CDH4: variants seen among roughly 807,000 people sequenced by gnomAD.
CDH4 encodes the protein cadherin 4, also known as cadherin-4.
Under a neutral mutation model 86.0 loss-of-function variants are expected in CDH4, and 33 were observed. The observed-to-expected ratio is 0.38, with a 90% CI of 0.29 to 0.51. The LOEUF is 0.51. CDH4 is among the 20% of genes least tolerant of loss of function. The pLI is 0.86. For synonymous variants in CDH4, 555 were observed against 549.4 expected (o/e 1.01, Z -0.14); for missense variants, 1,114 against 1,307.4 (o/e 0.85, Z 2.28).
At chr20:61,725,334 C>T (rs570844792) in intron 2 of CDH4, among the ~76,000 whole-genome samples, 53 of 152,312 alleles carry the variant, frequency 3.5e-4, no homozygotes, top group African/African-American at 1.2e-3. Context: ...ACAGTACACA[C>T]GCACATGCAT....
intron 2 of CDH4, among the ~76,000 whole-genome samples, chr20:61,617,602 G>A (rs773628092): frequency 7.2e-5 from 11 of 152,230 alleles, no homozygotes; most frequent in South Asian, 4.1e-4. Flanking sequence ...ATCTGGGGGC[G>A]ACAGCGTGGT....
intron 2 of CDH4, chr20:61,718,160 G>A (rs527317981): frequency 1.8e-4 from 28 of 153,326 alleles, no homozygotes; most frequent in African/African-American, 3.4e-4. Context: ...GGACCCACCC[G>A]GAAGACTGAG....
At position 61,404,283 on chromosome 20, in the gene CDH4, T is replaced by A. The variant is rs143798398; in HGVS notation, c.169+149346T>A. On this transcript the variant is annotated intron_variant, in intron 2 of 15. Coordinates refer to ENST00000614565, the MANE Select transcript of CDH4 (RefSeq NM_001794.5). ...CTCTGCTTGTTCCTGATTGTTTTAA[T>A]TTCCAAAAACCATGATGAGGACAGC... Among the ~76,000 whole-genome samples, 5 of 152,164 alleles carry A rather than the reference T, an allele frequency of 3.3e-5. No individual in the cohort carries two copies. The East Asian group carries it at 9.7e-4, about 30-fold the overall frequency.
Position 61,681,750 on chromosome 20 carries a change from C to T in CDH4, c.170-61813C>T, listed in dbSNP as rs760202609. On this transcript the variant is annotated intron_variant, in intron 2 of 15. Transcript: ENST00000614565. This position sits in a 1 kb window ranked among gnomAD's most constrained non-coding sequence, Gnocchi z 4.5. ...GGAGCTGCCACCCTAGAAAGCCCTG[C>T]GTCGGTGTTGCTGTGTTCTCAGGCC... 5.9e-5 allele frequency among the ~76,000 whole-genome samples: 9 copies of T among 152,322 alleles called. No individual in the cohort carries two copies. Among genetic ancestry groups the T allele is most frequent in the East Asian group, 5.8e-4 (3 of 5,188 alleles).
chr20:61,786,506 G>T (rs1178917497), intron 4 of CDH4, among the ~76,000 whole-genome samples: 1 of 152,072 alleles, frequency 6.6e-6, no homozygotes, highest in Non-Finnish European at 1.5e-5. Flanking sequence ...GGAACAGGCA[G>T]GCCCTTTGTG....
chr20:61,357,901 A>T (rs1346938978), intron 2 of CDH4, among the ~76,000 whole-genome samples: 1 of 152,022 alleles, frequency 6.6e-6, no homozygotes, highest in African/African-American at 2.4e-5. Context: ...TTTTTTCCCC[A>T]GTCACCCCTA....
intron 4 of CDH4, among the ~76,000 whole-genome samples, chr20:61,788,052 G>GT (rs1555838613): frequency 6.6e-6 from 1 of 152,180 alleles, no homozygotes; most frequent in Non-Finnish European, 1.5e-5. Context: ...TCTGACTGCC[G>GT]TGAGGGACCA....
intron 2 of CDH4, among the ~76,000 whole-genome samples, chr20:61,573,043 T>TGGAC (rs2086355586): frequency 6.6e-6 from 1 of 150,818 alleles, no homozygotes; most frequent in Non-Finnish European, 1.5e-5. Flanking sequence ...GATGGATGGA[T>TGGAC]GGATGGATGG....
chr20:61,534,659 TTCTTTC>T (rs1386497080), intron 2 of CDH4, among the ~76,000 whole-genome samples: 2,000 of 116,888 alleles, frequency 0.017, 90 homozygotes, highest in East Asian at 0.06. Context: ...TTTTCTTTCT[TTCTTTC>T]TTTTTTTTTT....
intron 8 of CDH4, among the ~76,000 whole-genome samples, chr20:61,897,283 G>T (rs908055884): frequency 1.3e-5 from 2 of 151,768 alleles, no homozygotes; most frequent in Non-Finnish European, 2.9e-5. Flanking sequence ...CTCGTCTCTG[G>T]TCCCCATCCC....
chr20:61,730,780 G>T (rs1332748166), intron 2 of CDH4, among the ~76,000 whole-genome samples: 1 of 152,362 alleles, frequency 6.6e-6, no homozygotes, highest in African/African-American at 2.4e-5. Context: ...GACAGGAGCA[G>T]ATGAGCCTTC....
At position 61,754,699 on chromosome 20, in the gene CDH4, C is replaced by A. The variant is rs1406818505; in HGVS notation, c.396+10910C>A. Among the ~76,000 whole-genome samples, 1 of 148,630 alleles carries A rather than the reference C, an allele frequency of 6.7e-6. No individual in the cohort carries two copies. The highest frequency in any genetic ancestry group is 1.5e-5 in the Non-Finnish European group (1 of 67,192). ...CACTATGCACACCACACACACAGTG[C>A]ATGCCACACACACCGCACACACACT... On this transcript the variant is annotated intron_variant, in intron 3 of 15. Coordinates refer to ENST00000614565, the MANE Select transcript of CDH4 (RefSeq NM_001794.5). The surrounding 1 kb of genome is among the most constrained non-coding windows in gnomAD (Gnocchi z 4.7).
intron 1 of CDH4, among the ~76,000 whole-genome samples, chr20:61,253,647 G>C (rs866370320): frequency 2.6e-4 from 39 of 152,304 alleles, no homozygotes; most frequent in African/African-American, 6.0e-4. Flanking sequence ...GCGATTTGGA[G>C]CTTCGTGGCC....
intron 2 of CDH4, among the ~76,000 whole-genome samples, chr20:61,636,904 C>G (rs779154537): frequency 2.6e-5 from 4 of 152,146 alleles, no homozygotes; most frequent in Non-Finnish European, 4.4e-5. Context: ...TGAGCTGCAC[C>G]AGGGCCGGGC....
intron 2 of CDH4, among the ~76,000 whole-genome samples, chr20:61,358,024 C>T (rs2084761750): frequency 6.6e-6 from 1 of 152,142 alleles, no homozygotes; most frequent in Admixed American, 6.5e-5. Flanking sequence ...GACAATTGCA[C>T]TTGGTCTTTG....
intron 2 of CDH4, among the ~76,000 whole-genome samples, chr20:61,264,452 C>G (rs983525395): frequency 6.9e-6 from 1 of 144,086 alleles, no homozygotes; most frequent in Non-Finnish European, 1.5e-5. Context: ...TCATTCAGTC[C>G]TACACATACC....
intron 15 of CDH4, among the ~76,000 whole-genome samples, chr20:61,935,483 C>T (rs753582509): frequency 7.9e-5 from 12 of 151,866 alleles, no homozygotes; most frequent in Non-Finnish European, 7.3e-5. Flanking sequence ...GTTAGCCAGG[C>T]GCGGTGGCTC....
intron 2 of CDH4, among the ~76,000 whole-genome samples, chr20:61,651,284 C>G (rs999470507): frequency 4.6e-5 from 7 of 152,222 alleles, no homozygotes; most frequent in African/African-American, 1.4e-4. Context: ...ATTGCAGGGT[C>G]TCAACGCTCA....
Position 61,899,575 on chromosome 20 carries a change from CT to C in CDH4, c.1188+4529del, listed in dbSNP as rs557130220. ...CCCGAGTAGCTGGAACTACAGGCGCCTGCCACCACGCCCGGCTAATTTTTTG... is the reference window on the plus strand; with the variant it reads ...CCCGAGTAGCTGGAACTACAGGCGCCGCCACCACGCCCGGCTAATTTTTTG... On this transcript the variant is annotated intron_variant, in intron 8 of 15. Coordinates refer to ENST00000614565, the MANE Select transcript of CDH4 (RefSeq NM_001794.5). 2.7e-4 allele frequency among the ~76,000 whole-genome samples: 41 copies of C among 152,176 alleles called. No individual in the cohort carries two copies. In the South Asian group the frequency reaches 8.1e-3, roughly 30 times the overall value.
Sources: gnomAD v4.1 joint callset for allele counts (sites outside exome capture counted in the v4.1 genomes callset) on GRCh38, gnomAD v4.1.1 for gene constraint, Gnocchi (gnomAD v3.1) non-coding constraint, MANE v1.5 for transcripts, NCBI Gene and HGNC (gene_info 2026-07-23, HGNC 2026-07-21) for gene names.